LARGE1: variants seen among roughly 807,000 people sequenced by gnomAD.
LARGE1 encodes the protein xylosyl- and glucuronyltransferase LARGE1.
Under a neutral mutation model 87.6 loss-of-function variants are expected in LARGE1, and 43 were observed. The ratio of observed to expected loss-of-function variants is 0.49; its 90% confidence interval spans 0.38 to 0.63. The LOEUF is 0.63. Among genes scored for constraint, LARGE1 ranks in the 30% least tolerant of loss-of-function variants. LARGE1 has a pLI of 0.00. For missense variants in LARGE1, 802 were observed against 1,000.2 expected, an observed-to-expected ratio of 0.80 and a Z score of 2.67; for synonymous variants, 434 against 394.6, an observed-to-expected ratio of 1.10 and a Z score of -1.18.
At chr22:33,874,259 C>T (rs1431454792) in intron 1 of LARGE1, among the ~76,000 whole-genome samples, 1 of 152,146 alleles carries the variant, frequency 6.6e-6, no homozygotes, top group Non-Finnish European at 1.5e-5. Context: ...GCACGCCTCA[C>T]CTCAAGGAAA....
chr22:33,404,883 G>A lies in LARGE1; in HGVS notation c.893-20579C>T, dbSNP rs182906475. Reference sequence around the variant, plus strand: ...AAGGAATTTTGCTTCTGTTCAGTGGGGGGGAAGGAAAGTGTGGTGAAAGCT... The same window carrying A: ...AAGGAATTTTGCTTCTGTTCAGTGGAGGGGAAGGAAAGTGTGGTGAAAGCT... On this transcript the variant is annotated intron_variant, in intron 7 of 14. Coordinates refer to ENST00000397394, the MANE Select transcript of LARGE1 (RefSeq NM_133642.5). 2.8e-4 allele frequency among the ~76,000 whole-genome samples: 42 copies of A among 152,292 alleles called. No individual in the cohort carries two copies. The East Asian group carries it at 6.8e-3, about 25-fold the overall frequency.
intron 5 of LARGE1, among the ~76,000 whole-genome samples, chr22:33,567,615 T>A (rs943517220): frequency 5.3e-5 from 8 of 152,186 alleles, no homozygotes; most frequent in African/African-American, 1.4e-4. Flanking sequence ...TTTTAAAAAA[T>A]TTTTAATTTT....
At chr22:33,314,854 G>C (rs1032568314) in intron 11 of LARGE1, among the ~76,000 whole-genome samples, 1 of 152,170 alleles carries the variant, frequency 6.6e-6, no homozygotes, top group Admixed American at 6.5e-5. Flanking sequence ...ATGTAGCCCT[G>C]GCTGAGTGAC....
In LARGE1 at chr22:33,304,345, G is replaced by A. The variant is rs749791648; in HGVS notation, c.1614C>T (p.Gly538=). 4 of 1,614,250 alleles carry A rather than the reference G, an allele frequency of 2.5e-6. No individual in the cohort carries two copies. The East Asian group carries it at 8.9e-5, about 36-fold the overall frequency. ...GCAGCAGGTTCACGGGGTAGAACTG[G>A]CCCTCCTTGTACACGATGTGGTAGC... is the stretch of plus-strand genomic sequence containing the variant. ...NVGYHIVYKE[G]QFYPVNLLRN... Residue 538 remains glycine (G), a synonymous_variant, in exon 12 of 15, where the codon GGC becomes GGT. Transcript: ENST00000397394.
chr22:33,478,489 A>G (rs1344080988), intron 6 of LARGE1, among the ~76,000 whole-genome samples: 1 of 152,252 alleles, frequency 6.6e-6, no homozygotes, highest in Non-Finnish European at 1.5e-5. Context: ...AGAGAACTTC[A>G]AATAAAGAGC....
chr22:33,076,965 T>A, the LARGE1 span, among the ~76,000 whole-genome samples: 2 of 152,100 alleles, frequency 1.3e-5, no homozygotes, highest in Admixed American at 6.5e-5. Context: ...ACTGCCAGGG[T>A]TCCTATCAGG....
At chr22:33,913,338 G>A (rs1197850463) in intron 1 of LARGE1, among the ~76,000 whole-genome samples, 2 of 152,194 alleles carry the variant, frequency 1.3e-5, no homozygotes, top group Admixed American at 6.5e-5. Flanking sequence ...GTGGGTAGGT[G>A]AGTACTGTTA....
chr22:33,256,319 T>A (rs370170702), intron 11 of LARGE1, among the ~76,000 whole-genome samples: 8 of 152,344 alleles, frequency 5.3e-5, no homozygotes, highest in Admixed American at 1.3e-4. Flanking sequence ...ATGGGTTGAC[T>A]TTTAAATAAA....
chr22:33,887,966 G>A (rs1407529199), intron 1 of LARGE1, among the ~76,000 whole-genome samples: 1 of 152,162 alleles, frequency 6.6e-6, no homozygotes, highest in Non-Finnish European at 1.5e-5. Context: ...GAAGGAATAT[G>A]GTCCACTTTG....
At chr22:33,683,112 T>G (rs1478341741) in intron 2 of LARGE1, among the ~76,000 whole-genome samples, 3 of 152,250 alleles carry the variant, frequency 2.0e-5, no homozygotes, top group African/African-American at 7.2e-5. Flanking sequence ...ATAAATTGAC[T>G]TGACTGGGCT....
chr22:33,150,649 T>G, the LARGE1 span, among the ~76,000 whole-genome samples: 1 of 152,222 alleles, frequency 6.6e-6, no homozygotes, highest in Non-Finnish European at 1.5e-5. Context: ...TAGGTTAAGG[T>G]TCAATTTTTG....
At chr22:33,233,537 G>A (rs1326889356) in intron 11 of LARGE1, among the ~76,000 whole-genome samples, 1 of 151,988 alleles carries the variant, frequency 6.6e-6, no homozygotes, top group Non-Finnish European at 1.5e-5. Flanking sequence ...GGCTGTGGGG[G>A]GCCTCAGACC....
At chr22:33,364,264 A>G (rs1309292035) in intron 9 of LARGE1, among the ~76,000 whole-genome samples, 1 of 152,034 alleles carries the variant, frequency 6.6e-6, no homozygotes, top group Non-Finnish European at 1.5e-5. Flanking sequence ...TCACCGTGTT[A>G]GCCAGGATGG....
chr22:33,653,610 G>C (rs1422044649), intron 2 of LARGE1, among the ~76,000 whole-genome samples: 2 of 152,142 alleles, frequency 1.3e-5, no homozygotes, highest in African/African-American at 2.4e-5. Flanking sequence ...TAAGAGTGAT[G>C]GGAGGCTTAA....
intron 1 of LARGE1, among the ~76,000 whole-genome samples, chr22:33,866,963 C>CGT (rs1340808387): frequency 4.6e-5 from 7 of 152,118 alleles, no homozygotes; most frequent in Non-Finnish European, 8.8e-5. Flanking sequence ...ACAGGAACAC[C>CGT]AACATGTCCA....
At chr22:33,200,182 A>G (rs1342578882) in intron 11 of LARGE1, among the ~76,000 whole-genome samples, 1 of 152,196 alleles carries the variant, frequency 6.6e-6, no homozygotes, top group African/African-American at 2.4e-5. Flanking sequence ...GTCAATGAAC[A>G]AAAGTGACGA....
chr22:33,574,663 C>T (rs1025589212), intron 5 of LARGE1, among the ~76,000 whole-genome samples: 6 of 145,132 alleles, frequency 4.1e-5, no homozygotes, highest in East Asian at 2.2e-4. Context: ...GATAGGACAA[C>T]GAAGGCACAG....
intron 9 of LARGE1, among the ~76,000 whole-genome samples, chr22:33,379,733 C>T (rs1462075105): frequency 6.6e-6 from 1 of 152,116 alleles, no homozygotes; most frequent in African/African-American, 2.4e-5. Context: ...TGTTCTCACT[C>T]GTAGGTGGGA....
intron 6 of LARGE1, among the ~76,000 whole-genome samples, chr22:33,472,764 G>A (rs563999099): frequency 6.6e-6 from 1 of 152,216 alleles, no homozygotes; most frequent in Non-Finnish European, 1.5e-5. Flanking sequence ...TTCTAGCAAA[G>A]CATCTACCAT....
Sources: allele counts gnomAD v4.1 joint callset (sites outside exome capture counted in the v4.1 genomes callset), GRCh38; gene constraint gnomAD v4.1.1; transcripts MANE v1.5; gene names NCBI Gene and HGNC (gene_info 2026-07-23, HGNC 2026-07-21).